Variants in TEAD3 observed in about 807,000 individuals in gnomAD.
TEAD3 encodes the protein transcriptional enhancer factor TEF-5.
In TEAD3, 15 loss-of-function variants were observed where a neutral mutation model predicts 55.6. The ratio of observed to expected loss-of-function variants is 0.27; its 90% CI spans 0.18 to 0.42. TEAD3 has a LOEUF of 0.42. Ranked by LOEUF, TEAD3 falls within the 10% of genes least tolerant of loss-of-function variation. The pLI is 1.00. For synonymous variants in TEAD3, 210 were observed against 232.2 expected (o/e 0.90, Z 0.87); for missense variants, 407 against 576.8 (o/e 0.71, Z 3.01).
intron 1 of TEAD3, among the ~76,000 whole-genome samples, chr6:35,490,643 G>A (rs908627307): frequency 6.6e-6 from 1 of 152,222 alleles, no homozygotes; most frequent in Admixed American, 6.5e-5. Flanking sequence ...CTGGACCGGG[G>A]TCTCAGTGGA....
At position 35,483,153 on chromosome 6, in the gene TEAD3, TGAATAAATTTGGTG is replaced by T. The variant is rs1261867160; in HGVS notation, c.267+1393_267+1406del. On this transcript the variant is annotated intron_variant, in intron 3 of 12. Transcript: ENST00000639578. The surrounding 1 kb of genome is among the most constrained non-coding windows in gnomAD (Gnocchi z 4.5). Reference sequence around the variant, plus strand: ...AGCAGTAGGTCAATCATTAGCTAAGTGAATAAATTTGGTGCTGCATGAGCTAGACTTAGGGAGGG... The same window carrying T: ...AGCAGTAGGTCAATCATTAGCTAAGTCTGCATGAGCTAGACTTAGGGAGGG... 6.6e-6 allele frequency among the ~76,000 whole-genome samples: 1 copy of T among 152,158 alleles called. No homozygotes were observed. The highest frequency in any genetic ancestry group is 1.5e-5 in the Non-Finnish European group (1 of 68,036).
At chr6:35,490,864 G>A (rs1167437683) in intron 1 of TEAD3, among the ~76,000 whole-genome samples, 2 of 152,206 alleles carry the variant, frequency 1.3e-5, no homozygotes, top group Admixed American at 6.5e-5. Context: ...AAAGCTGACT[G>A]CGGGCGAGAG....
At chr6:35,481,745 G>A (rs1768272265) in intron 3 of TEAD3, among the ~76,000 whole-genome samples, 1 of 152,180 alleles carries the variant, frequency 6.6e-6, no homozygotes, top group Non-Finnish European at 1.5e-5. Flanking sequence ...AACCCAGGCG[G>A]TCTGACTCCA....
chr6:35,493,499 G>T (rs1452430573), intron 1 of TEAD3, among the ~76,000 whole-genome samples: 3 of 152,120 alleles, frequency 2.0e-5, no homozygotes, highest in African/African-American at 7.2e-5. Context: ...CTCACATACG[G>T]TGTCGCTTTC....
In TEAD3 at chr6:35,488,292, A is replaced by G. The variant is rs1189154066; in HGVS notation, c.-49-1581T>C. 6.6e-6 allele frequency among the ~76,000 whole-genome samples: 1 copy of G among 151,916 alleles called. No individual in the cohort carries two copies. Among genetic ancestry groups the G allele is most frequent in the African/African-American group, 2.4e-5 (1 of 41,434 alleles). On this transcript the variant is annotated intron_variant, in intron 1 of 12. Coordinates refer to ENST00000639578, the Ensembl canonical transcript of TEAD3. This position sits in a 1 kb window ranked among gnomAD's most constrained non-coding sequence, Gnocchi z 4.2. ...CCGCCCCCGCCCTGGCCCATCCTAC[A>G]TGTGGGCCAGGGCTCTGTAAACTGT... is the stretch of plus-strand genomic sequence containing the variant.
At position 35,486,032 on chromosome 6, in the gene TEAD3, C is replaced by T. The variant is rs189821835; in HGVS notation, c.202+429G>A. On this transcript the variant is annotated intron_variant, in intron 2 of 12. Coordinates refer to ENST00000639578, the Ensembl canonical transcript of TEAD3. This position sits in a 1 kb window ranked among gnomAD's most constrained non-coding sequence, Gnocchi z 7.3. ...CCACAGCCCCAACGCAGGCCTTTGTCCCCGTGCGACCTCCCACAGCCCGCA... is the reference window on the plus strand; with the variant it reads ...CCACAGCCCCAACGCAGGCCTTTGTTCCCGTGCGACCTCCCACAGCCCGCA... Among the ~76,000 whole-genome samples, 113 of 152,310 alleles carry T rather than the reference C, an allele frequency of 7.4e-4. 1 individual carries two copies. The highest frequency in any genetic ancestry group is 2.6e-3 in the African/African-American group (108 of 41,576).
rs931349381 is a variant in TEAD3, at chr6:35,476,316, G to A, written c.712C>T (p.Arg238Ter). The A allele has an allele frequency of 6.2e-7, 1 of 1,612,102 alleles. No individual in the cohort carries two copies. The highest frequency in any genetic ancestry group is 8.5e-7 in the Non-Finnish European group (1 of 1,179,734). Residue 238 changes from arginine (R) to a stop codon, truncating the protein, a stop_gained, in exon 9 of 13, where the codon CGA becomes TGA. Transcript: ENST00000639578. LOFTEE classifies it high-confidence loss of function. ...AAACACGTTACCGTGTCAGGGTCTC[G>A]CTGCACCTCCATGAAGGCTGAATAC...
rs528949152 is a variant in TEAD3, at chr6:35,492,448, C to T, written c.-50+4450G>A. On this transcript the variant is annotated intron_variant, in intron 1 of 12. Coordinates refer to ENST00000639578, the Ensembl canonical transcript of TEAD3. Reference sequence around the variant, plus strand: ...GTAGGGATGTATCTGTCTCCCCCACCTCCAGCCCAAGGACCCCGGAGGGAC... The same window carrying T: ...GTAGGGATGTATCTGTCTCCCCCACTTCCAGCCCAAGGACCCCGGAGGGAC... Among the ~76,000 whole-genome samples the T allele has an allele frequency of 7.2e-5, 11 of 152,290 alleles. No individual in the cohort carries two copies. The South Asian group carries it at 2.3e-3, about 32-fold the overall frequency.
At chr6:35,479,283 T>C (rs763241492) in intron 5 of TEAD3, 22 bp downstream of exon 5, 6 of 1,613,646 alleles carry the variant, frequency 3.7e-6, no homozygotes, top group South Asian at 1.1e-5. Flanking sequence ...CCACTCCCAC[T>C]GGGGAGGGCT....
At position 35,483,976 on chromosome 6, in the gene TEAD3, T is replaced by C. The variant is rs1768315644; in HGVS notation, c.267+584A>G. Among the ~76,000 whole-genome samples, 1 of 152,168 alleles carries C rather than the reference T, an allele frequency of 6.6e-6. No individual in the cohort carries two copies. The highest frequency in any genetic ancestry group is 1.5e-5 in the Non-Finnish European group (1 of 68,022). On this transcript the variant is annotated intron_variant, in intron 3 of 12. Transcript: ENST00000639578. This position sits in a 1 kb window ranked among gnomAD's most constrained non-coding sequence, Gnocchi z 4.5. Reference sequence around the variant, plus strand: ...GTATGGGTTTACCATGATTATTAGTTGTATATCCAACTTCCTCAGCCTGGA... The same window carrying C: ...GTATGGGTTTACCATGATTATTAGTCGTATATCCAACTTCCTCAGCCTGGA...
At chr6:35,477,344 G>A in exon 8 of TEAD3, 1 of 1,604,544 alleles carries the variant, frequency 6.2e-7, no homozygotes, top group Non-Finnish European at 8.5e-7. Context: ...GGCTGGATGG[G>A]GTAGGCTGGC....
intron 4 of TEAD3, chr6:35,480,047 AG>A: frequency 1.3e-6 from 2 of 1,488,762 alleles, no homozygotes; most frequent in Non-Finnish European, 1.8e-6. Flanking sequence ...GCCAGGTGGC[AG>A]GGGCCCCGTA....
chr6:35,475,229 C>A lies in TEAD3; in HGVS notation c.1195-72G>T. On this transcript the variant is annotated intron_variant, in intron 12 of 12. Coordinates refer to ENST00000639578, the Ensembl canonical transcript of TEAD3. This position sits in a 1 kb window ranked among gnomAD's most constrained non-coding sequence, Gnocchi z 5.4. Reference sequence around the variant, plus strand: ...GCCACGGGGCAGGGGGCTGAACAGACCATTCTCCTTTCCGGATCTATGCCT... The same window carrying A: ...GCCACGGGGCAGGGGGCTGAACAGAACATTCTCCTTTCCGGATCTATGCCT... The A allele has an allele frequency of 1.9e-6, 3 of 1,585,018 alleles. No individual in the cohort carries two copies. The highest frequency in any genetic ancestry group is 2.6e-6 in the Non-Finnish European group (3 of 1,164,156).
rs1314125627 is a variant in TEAD3, at chr6:35,483,422, G to C, written c.267+1138C>G. 6.6e-6 allele frequency among the ~76,000 whole-genome samples: 1 copy of C among 152,114 alleles called. No individual in the cohort carries two copies. The highest frequency in any genetic ancestry group is 1.5e-5 in the Non-Finnish European group (1 of 68,000). ...AGCCTGGCCTCTCCCCCAGGCAGTG[G>C]GGCCATCACTCCCATCCACTCCCCT... On this transcript the variant is annotated intron_variant, in intron 3 of 12. Coordinates refer to ENST00000639578, the Ensembl canonical transcript of TEAD3. The surrounding 1 kb of genome is among the most constrained non-coding windows in gnomAD (Gnocchi z 4.5).
rs542143993 is a variant in TEAD3 at position 35,488,801 on chromosome 6, G to A, written c.-49-2090C>T. ...TGCAATGGCGCGATCTCTGCTCACC[G>A]CAACCTCCACCTCCTGGGTTCAAGC... On this transcript the variant is annotated intron_variant, in intron 1 of 12. Transcript: ENST00000639578. The surrounding 1 kb of genome is among the most constrained non-coding windows in gnomAD (Gnocchi z 4.2). 1.3e-5 allele frequency among the ~76,000 whole-genome samples: 2 copies of A among 152,032 alleles called. No individual in the cohort carries two copies. The highest frequency in any genetic ancestry group is 1.9e-4 in the East Asian group (1 of 5,184).
chr6:35,477,584 TTAGTG>T (rs887110529), intron 7 of TEAD3, among the ~76,000 whole-genome samples: 1 of 151,206 alleles, frequency 6.6e-6, no homozygotes, highest in Non-Finnish European at 1.5e-5. Context: ...ATCTGCCCAT[TTAGTG>T]TAGGATTTCA....
intron 4 of TEAD3, 56 bp from the exon 5 acceptor site, chr6:35,479,372 G>A: frequency 6.2e-7 from 1 of 1,609,802 alleles, no homozygotes; most frequent in Non-Finnish European, 8.5e-7. Context: ...CAGGGCTGTG[G>A]GCTGAGGGAC....
rs1768379124 is a variant in TEAD3 at position 35,486,320 on chromosome 6, G to A, written c.202+141C>T. The A allele has an allele frequency of 3.0e-6, 3 of 1,007,788 alleles. No individual in the cohort carries two copies. The highest frequency in any genetic ancestry group is 4.3e-6 in the Non-Finnish European group (3 of 701,738). The allele number at this position is 1,007,788 out of a possible 1,614,324, so 62.4% of individuals were successfully genotyped here. ...CTTGTTTATGAGGAGGAGCGCGGAG[G>A]AGGATCCAGACACACAGGCTTGCGC... On this transcript the variant is annotated intron_variant, in intron 2 of 12. Coordinates refer to ENST00000639578, the Ensembl canonical transcript of TEAD3. The surrounding 1 kb of genome is among the most constrained non-coding windows in gnomAD (Gnocchi z 7.3).
chr6:35,493,006 G>C (rs1220944943), intron 1 of TEAD3, among the ~76,000 whole-genome samples: 1 of 151,918 alleles, frequency 6.6e-6, no homozygotes, highest in Admixed American at 6.6e-5. Flanking sequence ...TGGTACTCTG[G>C]GTCGCCCACT....
Sources: allele counts gnomAD v4.1 joint callset (sites outside exome capture counted in the v4.1 genomes callset), GRCh38; gene constraint gnomAD v4.1.1; non-coding constraint Gnocchi (gnomAD v3.1); transcripts MANE v1.5; gene names NCBI Gene and HGNC (gene_info 2026-07-23, HGNC 2026-07-21).